Variants in CNTN4 observed in about 807,000 individuals in gnomAD.
The protein encoded by CNTN4 is contactin-4.
Under a neutral mutation model 122.5 loss-of-function variants are expected in CNTN4, and 77 were observed. The observed-to-expected ratio is 0.63, with a 90% CI of 0.52 to 0.76. CNTN4 has a LOEUF of 0.76. Ranked by LOEUF, CNTN4 falls within the 30% of genes least tolerant of loss-of-function variation. The pLI is 0.00. For missense variants in CNTN4, 1,256 were observed against 1,259.1 expected (o/e 1.00, Z 0.04); for synonymous variants, 512 against 447.0 (o/e 1.15, Z -1.83).
At chr3:2,833,588 G>C (rs2093150061) in intron 7 of CNTN4, among the ~76,000 whole-genome samples, 1 of 150,874 alleles carries the variant, frequency 6.6e-6, no homozygotes, top group African/African-American at 2.5e-5. Flanking sequence ...TCTCATGTTT[G>C]AGCGGAAGAA....
intron 3 of CNTN4, among the ~76,000 whole-genome samples, chr3:2,434,666 T>C (rs2648689): frequency 0.92 from 139,821 of 152,190 alleles, 64,233 homozygotes; most frequent in East Asian, 0.98. Flanking sequence ...GGTCATTTTC[T>C]CTGTTGCAGG....
At chr3:2,633,362 T>A (rs2150054958) in intron 4 of CNTN4, among the ~76,000 whole-genome samples, 1 of 152,286 alleles carries the variant, frequency 6.6e-6, no homozygotes, top group East Asian at 1.9e-4. Flanking sequence ...TTATCACACT[T>A]CATTAGTTAC....
At chr3:2,683,371 G>GT (rs2085266453) in intron 4 of CNTN4, among the ~76,000 whole-genome samples, 1 of 151,694 alleles carries the variant, frequency 6.6e-6, no homozygotes, top group African/African-American at 2.4e-5. Context: ...GATAGTCTCA[G>GT]CAGCTTTTAT....
intron 13 of CNTN4, among the ~76,000 whole-genome samples, chr3:2,980,867 G>T (rs866975380): frequency 1.3e-5 from 2 of 152,116 alleles, no homozygotes; most frequent in African/African-American, 4.8e-5. Flanking sequence ...TACATAACTC[G>T]TGGGGAAGCT....
At chr3:2,368,803 C>A (rs952890368) in intron 3 of CNTN4, among the ~76,000 whole-genome samples, 2 of 152,156 alleles carry the variant, frequency 1.3e-5, no homozygotes, top group African/African-American at 4.8e-5. Flanking sequence ...AACTTACAGC[C>A]ACATCTCAAG....
intron 2 of CNTN4, among the ~76,000 whole-genome samples, chr3:2,238,417 A>G (rs2039766441): frequency 6.6e-6 from 1 of 152,066 alleles, no homozygotes; most frequent in African/African-American, 2.4e-5. Context: ...ATTTGCCAAT[A>G]AAATGAATAA....
chr3:2,259,378 A>G (rs1436857261), intron 2 of CNTN4, among the ~76,000 whole-genome samples: 1 of 152,214 alleles, frequency 6.6e-6, no homozygotes, highest in Non-Finnish European at 1.5e-5. Flanking sequence ...ATGTTACATG[A>G]TGGGGAAACT....
intron 6 of CNTN4, among the ~76,000 whole-genome samples, chr3:2,814,151 A>G (rs2092676041): frequency 6.6e-6 from 1 of 152,230 alleles, no homozygotes; most frequent in Admixed American, 6.5e-5. Context: ...GCTGTTGGAA[A>G]AAGTTATGTA....
intron 2 of CNTN4, among the ~76,000 whole-genome samples, chr3:2,222,898 A>G (rs981084190): frequency 1.3e-5 from 2 of 152,184 alleles, no homozygotes; most frequent in African/African-American, 2.4e-5. Flanking sequence ...ATTGTTTATT[A>G]CCTTCCCCAA....
intron 3 of CNTN4, among the ~76,000 whole-genome samples, chr3:2,451,683 T>C (rs1575661285): frequency 6.6e-6 from 1 of 152,300 alleles, no homozygotes; most frequent in East Asian, 1.9e-4. Context: ...ATATTTTCTT[T>C]AGTGTGTATA....
At chr3:2,857,502 C>T (rs1169016640) in intron 7 of CNTN4, among the ~76,000 whole-genome samples, 1 of 152,166 alleles carries the variant, frequency 6.6e-6, no homozygotes, top group East Asian at 1.9e-4. Context: ...CATCATAGTC[C>T]ACTTCAGCTG....
intron 2 of CNTN4, among the ~76,000 whole-genome samples, chr3:2,241,730 T>C (rs1365334053): frequency 6.6e-6 from 1 of 152,208 alleles, no homozygotes; most frequent in East Asian, 1.9e-4. Flanking sequence ...CTCTTCCCCA[T>C]GTTCCCTCCT....
intron 2 of CNTN4, among the ~76,000 whole-genome samples, chr3:2,260,343 CATT>C (rs1374838918): frequency 6.6e-6 from 1 of 151,776 alleles, no homozygotes. Flanking sequence ...CAGGCATTAT[CATT>C]TTTTTTTTGG....
intron 4 of CNTN4, among the ~76,000 whole-genome samples, chr3:2,676,596 A>G (rs2084858156): frequency 6.6e-6 from 1 of 152,176 alleles, no homozygotes; most frequent in African/African-American, 2.4e-5. Context: ...GAGAAACCTC[A>G]TTTGAAGTGC....
At chr3:2,605,766 A>G (rs532058983) in intron 4 of CNTN4, among the ~76,000 whole-genome samples, 6 of 152,344 alleles carry the variant, frequency 3.9e-5, no homozygotes, top group South Asian at 4.1e-4. Flanking sequence ...CACAAAACCA[A>G]CCGATGTCCT....
rs2089071392 is a variant in CNTN4, at chr3:2,736,162, G to C, written c.56-53G>C. ...CCTTATGTTGTTGTTTCCTGTTGTT[G>C]TTCCTATTTGGAAGGGATTCTTCAT... On this transcript the variant is annotated intron_variant, in intron 4 of 24. Coordinates refer to ENST00000418658, the MANE Select transcript of CNTN4 (RefSeq NM_175607.3). 3.8e-6 allele frequency: 6 copies of C among 1,571,198 alleles called. No individual in the cohort carries two copies. In the South Asian group the frequency reaches 6.7e-5, roughly 17 times the overall value.
intron 3 of CNTN4, among the ~76,000 whole-genome samples, chr3:2,366,529 C>G (rs970729660): frequency 6.6e-5 from 10 of 151,996 alleles, no homozygotes; most frequent in Non-Finnish European, 1.3e-4. Flanking sequence ...AGATCGAGAC[C>G]ATCCTGGCTA....
chr3:2,280,483 T>C (rs977454081), intron 2 of CNTN4, among the ~76,000 whole-genome samples: 1 of 152,196 alleles, frequency 6.6e-6, no homozygotes, highest in Non-Finnish European at 1.5e-5. Context: ...TGAAGAGTAA[T>C]GTTTCTTGCC....
intron 10 of CNTN4, among the ~76,000 whole-genome samples, chr3:2,897,675 A>T (rs908139463): frequency 2.0e-5 from 3 of 152,214 alleles, no homozygotes; most frequent in African/African-American, 7.2e-5. Context: ...TAATTTATGC[A>T]ACATTTTAAT....
Sources: allele counts gnomAD v4.1 joint callset (sites outside exome capture counted in the v4.1 genomes callset), GRCh38; gene constraint gnomAD v4.1.1; transcripts MANE v1.5; gene names NCBI Gene and HGNC (gene_info 2026-07-23, HGNC 2026-07-21).